The following ARHGAP42 variants were observed in gnomAD, a reference collection of about 807,000 sequenced individuals.
ARHGAP42 encodes the protein rho GTPase-activating protein 42.
In ARHGAP42, 63 loss-of-function variants were observed where a neutral mutation model predicts 125.0. That is an observed-to-expected ratio of 0.50 (90% confidence interval 0.41 to 0.62). The LOEUF is 0.62. ARHGAP42 is among the 20% of genes least tolerant of loss of function. ARHGAP42 has a pLI of 0.00. For synonymous variants in ARHGAP42, 339 were observed against 351.0 expected, an observed-to-expected ratio of 0.97 and a Z score of 0.38; for missense variants, 766 against 1,024.2, an observed-to-expected ratio of 0.75 and a Z score of 3.44.
At chr11:100,720,527 A>C (rs1462138483) in intron 1 of ARHGAP42, among the ~76,000 whole-genome samples, 1 of 152,206 alleles carries the variant, frequency 6.6e-6, no homozygotes, top group African/African-American at 2.4e-5. Flanking sequence ...AAAAGGCCCA[A>C]GATAAAAAAG....
At chr11:100,690,634 T>C (rs1302778850) in intron 1 of ARHGAP42, among the ~76,000 whole-genome samples, 6 of 152,216 alleles carry the variant, frequency 3.9e-5, no homozygotes, top group Non-Finnish European at 8.8e-5. Context: ...TCTCGCTCTG[T>C]CGCCCAGGCT....
intron 4 of ARHGAP42, among the ~76,000 whole-genome samples, chr11:100,885,378 A>G (rs1178871448): frequency 6.6e-6 from 1 of 152,172 alleles, no homozygotes; most frequent in Non-Finnish European, 1.5e-5. Flanking sequence ...CCTGTCAACA[A>G]TTTCTTTAGG....
chr11:100,857,249 C>T, intron 3 of ARHGAP42, among the ~76,000 whole-genome samples: 1 of 151,750 alleles, frequency 6.6e-6, no homozygotes. Context: ...AAAGCAAATC[C>T]CAAAACAAAG....
intron 3 of ARHGAP42, among the ~76,000 whole-genome samples, chr11:100,850,993 T>G (rs558485525): frequency 2.1e-4 from 31 of 149,800 alleles, no homozygotes; most frequent in Non-Finnish European, 3.7e-4. Flanking sequence ...ATGATTCTTA[T>G]GCCTCAGTCT....
chr11:100,779,485 TAC>T (rs1288145501), intron 2 of ARHGAP42, among the ~76,000 whole-genome samples: 1 of 81,442 alleles, frequency 1.2e-5, no homozygotes, highest in African/African-American at 4.3e-5. Flanking sequence ...TATATATATA[TAC>T]ACACACACAC....
chr11:100,814,079 G>A (rs1714213734), intron 3 of ARHGAP42, among the ~76,000 whole-genome samples: 3 of 152,154 alleles, frequency 2.0e-5, no homozygotes, highest in South Asian at 4.1e-4. Flanking sequence ...TGTAATCCCA[G>A]CTACTCAGGA....
At chr11:100,824,001 T>C (rs755150579) in intron 3 of ARHGAP42, among the ~76,000 whole-genome samples, 9 of 152,222 alleles carry the variant, frequency 5.9e-5, no homozygotes, top group Non-Finnish European at 1.0e-4. Flanking sequence ...TTCAATCAAG[T>C]AGAGCATTGC....
At chr11:100,839,451 C>G (rs1294223388) in intron 3 of ARHGAP42, 1 of 152,102 alleles carries the variant, frequency 6.6e-6, no homozygotes, top group Non-Finnish European at 1.5e-5. Flanking sequence ...TGGAAACGCT[C>G]TTGACAGGAT....
chr11:100,895,273 A>C (rs1866322951), intron 4 of ARHGAP42, among the ~76,000 whole-genome samples: 1 of 152,084 alleles, frequency 6.6e-6, no homozygotes, highest in South Asian at 2.1e-4. Context: ...TGGGAAGTAA[A>C]ACGTGTTAGC....
At chr11:100,857,020 T>G (rs1865336543) in intron 3 of ARHGAP42, among the ~76,000 whole-genome samples, 1 of 152,030 alleles carries the variant, frequency 6.6e-6, no homozygotes, top group Admixed American at 6.6e-5. Context: ...ATGTTTGACT[T>G]CATTACCCAT....
Position 100,973,245 on chromosome 11 carries a change from A to T in ARHGAP42, c.1621A>T (p.Met541Leu). The change falls in exon 18 of 24, where the codon ATG (methionine) becomes TTG (leucine). Residue 541 changes from methionine to leucine, a missense_variant. This residue lies in a region of ARHGAP42 where 455 missense variants were observed against 636.5 expected (regional missense o/e 0.71). Transcript: ENST00000298815. ...TGGTGTCATATTTGGCCCAACTCTA[A>T]TGAGAGCACAGGAAGAAACTGTGGC... Reference protein sequence around the residue: ...NLGVIFGPTLMRAQEETVAAM... With the variant: ...NLGVIFGPTLLRAQEETVAAM... The T allele has an allele frequency of 7.7e-6, 12 of 1,551,254 alleles. No homozygotes were observed. Among genetic ancestry groups the T allele is most frequent in the Non-Finnish European group, 9.6e-6 (11 of 1,146,700 alleles).
chr11:100,940,636 A>G (rs1867855826), intron 8 of ARHGAP42, among the ~76,000 whole-genome samples: 1 of 152,212 alleles, frequency 6.6e-6, no homozygotes, highest in African/African-American at 2.4e-5. Flanking sequence ...GTTTCTTCTC[A>G]TATAAATAGT....
chr11:100,835,057 A>G (rs541696803), intron 3 of ARHGAP42, among the ~76,000 whole-genome samples: 2 of 152,182 alleles, frequency 1.3e-5, no homozygotes, highest in South Asian at 2.1e-4. Context: ...ACATTTTCCT[A>G]TAAACTCTGA....
chr11:100,888,655 T>C (rs114897270), intron 4 of ARHGAP42, among the ~76,000 whole-genome samples: 2,128 of 152,308 alleles, frequency 0.014, 52 homozygotes, highest in African/African-American at 0.049. Flanking sequence ...TCCAGATAAT[T>C]TACCTTTTAA....
chr11:100,731,006 T>TC (rs1477357295), intron 1 of ARHGAP42, among the ~76,000 whole-genome samples: 4 of 152,228 alleles, frequency 2.6e-5, no homozygotes, highest in Middle Eastern at 3.2e-3. Context: ...GCTTTTTTTT[T>TC]CTTTTGGCTT....
intron 7 of ARHGAP42, 99 bp downstream of exon 7, chr11:100,933,359 A>G: frequency 1.3e-6 from 1 of 742,312 alleles, no homozygotes; most frequent in Non-Finnish European, 2.1e-6. Flanking sequence ...AGTGGAAAAT[A>G]CAACCCACAA....
intron 1 of ARHGAP42, among the ~76,000 whole-genome samples, chr11:100,696,646 TG>T (rs1283449195): frequency 6.6e-6 from 1 of 151,968 alleles, no homozygotes; most frequent in East Asian, 1.9e-4. Context: ...TGAACCACTG[TG>T]CCCGGCCCCC....
At chr11:100,864,923 A>G (rs905690039) in intron 4 of ARHGAP42, among the ~76,000 whole-genome samples, 4 of 152,198 alleles carry the variant, frequency 2.6e-5, no homozygotes, top group Admixed American at 1.3e-4. Context: ...AACTTGTTTC[A>G]TTAGAGATAA....
At chr11:100,702,722 A>T (rs573888858) in intron 1 of ARHGAP42, among the ~76,000 whole-genome samples, 147 of 150,592 alleles carry the variant, frequency 9.8e-4, no homozygotes, top group Non-Finnish European at 1.8e-3. Flanking sequence ...CCCAGGCTGA[A>T]GTGCAATGGC....
Sources: gnomAD v4.1 joint callset for allele counts (sites outside exome capture counted in the v4.1 genomes callset) on GRCh38, gnomAD v4.1.1 for gene constraint, gnomAD v4.1.1 regional missense constraint, MANE v1.5 for transcripts, NCBI Gene and HGNC (gene_info 2026-07-23, HGNC 2026-07-21) for gene names.